ERBB4: variants seen among roughly 807,000 people sequenced by gnomAD.
ERBB4 encodes erb-b2 receptor tyrosine kinase 4, also known as receptor tyrosine-protein kinase erbB-4.
Under a neutral mutation model 158.0 loss-of-function variants are expected in ERBB4, and 42 were observed. The observed-to-expected ratio is 0.27, with a 90% CI of 0.21 to 0.34. ERBB4 has a LOEUF of 0.34. Among genes scored for constraint, ERBB4 ranks in the 10% least tolerant of loss-of-function variants. The pLI is 1.00. For synonymous variants in ERBB4, 583 were observed against 558.7 expected (o/e 1.04, Z -0.61); for missense variants, 1,333 against 1,624.1 (o/e 0.82, Z 3.08).
intron 2 of ERBB4, among the ~76,000 whole-genome samples, chr2:212,024,058 T>C (rs1000873061): frequency 6.6e-6 from 1 of 151,894 alleles, no homozygotes; most frequent in Non-Finnish European, 1.5e-5. Flanking sequence ...TCTTCCATTT[T>C]CTCTCTTCCC....
In ERBB4 at chr2:212,344,548, C is replaced by T. The variant is rs368432991; in HGVS notation, c.82+193901G>A. Among the ~76,000 whole-genome samples the T allele has an allele frequency of 1.5e-4, 22 of 151,518 alleles. 1 individual carries two copies. The highest frequency in any genetic ancestry group is 5.1e-4 in the African/African-American group (21 of 41,288). On this transcript the variant is annotated intron_variant, in intron 1 of 27. Transcript: ENST00000342788. ...TGTGTATATATATACACACACATAG[C>T]GAAGTATAAGCAAGTGGAAGAAATC...
chr2:211,794,612 T>C (rs1284665655), intron 3 of ERBB4, among the ~76,000 whole-genome samples: 1 of 151,988 alleles, frequency 6.6e-6, no homozygotes. Context: ...GATATTTACA[T>C]TGTAAATCCC....
intron 1 of ERBB4, among the ~76,000 whole-genome samples, chr2:212,537,013 T>C (rs1313371938): frequency 6.6e-6 from 1 of 152,104 alleles, no homozygotes; most frequent in East Asian, 1.9e-4. Context: ...CTGGTATGCG[T>C]GAAGAATTTC....
At chr2:212,190,258 T>C (rs1210065462) in intron 1 of ERBB4, among the ~76,000 whole-genome samples, 2 of 152,128 alleles carry the variant, frequency 1.3e-5, no homozygotes, top group Non-Finnish European at 2.9e-5. Context: ...TGGGGGCAGC[T>C]GGGCGCGGTA....
At chr2:212,093,384 AAAC>A (rs773649971) in intron 2 of ERBB4, among the ~76,000 whole-genome samples, 14 of 152,334 alleles carry the variant, frequency 9.2e-5, no homozygotes, top group African/African-American at 1.9e-4. Flanking sequence ...TTGTGAGAAT[AAAC>A]AACAACAACA....
At chr2:212,012,080 G>A (rs2076401725) in intron 2 of ERBB4, among the ~76,000 whole-genome samples, 2 of 152,254 alleles carry the variant, frequency 1.3e-5, no homozygotes, top group South Asian at 4.1e-4. Flanking sequence ...TTATGAACTT[G>A]TGCACTTAAA....
intron 4 of ERBB4, among the ~76,000 whole-genome samples, chr2:211,773,598 T>TTATATA (rs1171015959): frequency 0.015 from 456 of 29,492 alleles, 10 homozygotes; most frequent in Non-Finnish European, 0.026. Context: ...TTCTGTAACT[T>TTATATA]TATATATATA....
At chr2:212,332,743 C>T (rs994226633) in intron 1 of ERBB4, among the ~76,000 whole-genome samples, 7 of 151,844 alleles carry the variant, frequency 4.6e-5, no homozygotes, top group East Asian at 1.9e-4. Context: ...TTTTTAATCT[C>T]GAAACTTAGA....
At chr2:211,488,336 C>T (rs1052689619) in intron 20 of ERBB4, among the ~76,000 whole-genome samples, 7 of 151,982 alleles carry the variant, frequency 4.6e-5, no homozygotes, top group African/African-American at 7.2e-5. Flanking sequence ...TGGTACTTGC[C>T]GTATCTTACT....
chr2:211,838,960 C>G (rs887537607), intron 3 of ERBB4, among the ~76,000 whole-genome samples: 84 of 152,192 alleles, frequency 5.5e-4, no homozygotes, highest in African/African-American at 1.9e-3. Context: ...AAAAGAAAAG[C>G]AGAAATGATT....
At chr2:212,359,973 A>C (rs918519629) in intron 1 of ERBB4, among the ~76,000 whole-genome samples, 2 of 151,736 alleles carry the variant, frequency 1.3e-5, no homozygotes, top group Non-Finnish European at 2.9e-5. Context: ...AGAAATTTGC[A>C]TCTTTGTATC....
chr2:212,282,417 C>T (rs1254015442), intron 1 of ERBB4, among the ~76,000 whole-genome samples: 1 of 151,924 alleles, frequency 6.6e-6, no homozygotes, highest in Non-Finnish European at 1.5e-5. Flanking sequence ...TTTATCACAA[C>T]TGCACTTGAG....
At chr2:211,524,659 C>T (rs1427963217) in intron 20 of ERBB4, among the ~76,000 whole-genome samples, 1 of 148,196 alleles carries the variant, frequency 6.7e-6, no homozygotes, top group Non-Finnish European at 1.5e-5. Flanking sequence ...GCAGGGCCGC[C>T]GGCTGCTCCG....
chr2:211,417,844 TA>T (rs1317104330), intron 25 of ERBB4, among the ~76,000 whole-genome samples: 1 of 152,060 alleles, frequency 6.6e-6, no homozygotes, highest in Non-Finnish European at 1.5e-5. Context: ...AGGAAAAAGG[TA>T]AAAATGGAAA....
chr2:211,450,312 TAA>T, intron 20 of ERBB4, among the ~76,000 whole-genome samples: 1 of 152,170 alleles, frequency 6.6e-6, no homozygotes, highest in Admixed American at 6.5e-5. Context: ...ACTTTTATCT[TAA>T]GAGTGATAAA....
At chr2:211,781,335 A>T (rs1462251527) in intron 4 of ERBB4, among the ~76,000 whole-genome samples, 1 of 152,200 alleles carries the variant, frequency 6.6e-6, no homozygotes, top group Non-Finnish European at 1.5e-5. Flanking sequence ...TTAAACAAGT[A>T]ATTAGTCCTG....
At chr2:212,070,269 A>G (rs773876031) in intron 2 of ERBB4, among the ~76,000 whole-genome samples, 6 of 151,598 alleles carry the variant, frequency 4.0e-5, no homozygotes, top group Non-Finnish European at 8.8e-5. Flanking sequence ...TAAAGTATCA[A>G]TACTTCTTAA....
At chr2:211,387,870 C>T in intron 26 of ERBB4, 75 bp downstream of exon 26, 1 of 1,147,672 alleles carries the variant, frequency 8.7e-7, no homozygotes, top group Non-Finnish European at 1.3e-6. Flanking sequence ...GGAAATTATG[C>T]AGAGACGAGA....
intron 3 of ERBB4, among the ~76,000 whole-genome samples, chr2:211,926,177 G>A (rs11897574): frequency 6.6e-6 from 1 of 152,046 alleles, no homozygotes; most frequent in Non-Finnish European, 1.5e-5. Context: ...ACAAACACAC[G>A]CATTATTTTT....
Sources: allele counts gnomAD v4.1 joint callset (sites outside exome capture counted in the v4.1 genomes callset), GRCh38; gene constraint gnomAD v4.1.1; transcripts MANE v1.5; gene names NCBI Gene and HGNC (gene_info 2026-07-23, HGNC 2026-07-21).